LAMB4: variants seen among roughly 807,000 people sequenced by gnomAD.
The protein encoded by LAMB4 is laminin subunit beta 4.
A neutral mutation model predicts 199.2 loss-of-function variants in LAMB4; 196 were observed. The ratio of observed to expected loss-of-function variants is 0.98; its 90% CI spans 0.88 to 1.11. The LOEUF is 1.11. LAMB4 is among the 50% of genes least tolerant of loss of function. LAMB4 has a pLI of 0.00. For synonymous variants in LAMB4, 744 were observed against 770.6 expected (o/e 0.97, Z 0.57); for missense variants, 2,080 against 2,171.2 (o/e 0.96, Z 0.83).
intron 3 of LAMB4, among the ~76,000 whole-genome samples, chr7:108,112,895 T>A (rs1477009643): frequency 6.6e-6 from 1 of 152,232 alleles, no homozygotes; most frequent in Non-Finnish European, 1.5e-5. Flanking sequence ...GTCCTAGCCA[T>A]GGCTCACAAG....
chr7:108,056,077 G>A (rs2035977004), intron 24 of LAMB4, 70 bp from the exon 25 acceptor site: 1 of 1,419,766 alleles, frequency 7.0e-7, no homozygotes, highest in Admixed American at 2.2e-5. Flanking sequence ...CAAGAATCAG[G>A]TCTTTTCCTC....
Position 108,062,826 on chromosome 7 carries a change from C to T in LAMB4, c.3230G>A (p.Cys1077Tyr), listed in dbSNP as rs772000478. ...GYWNLVPGRGCQSCDCDPRTS... is the reference protein window; with the variant it reads ...GYWNLVPGRGYQSCDCDPRTS... ...CCTAGGGTCACAGTCACATGACTGA[C>T]ATCCTCTGCCAGGGACCAGATTCCA... The change falls in exon 23 of 34, where the codon TGT becomes TAT. Residue 1077 changes from cysteine (C) to tyrosine (Y), a missense_variant. Transcript: ENST00000388781. 1.3e-6 allele frequency: 2 copies of T among 1,548,522 alleles called. No homozygotes were observed. The highest frequency in any genetic ancestry group is 2.0e-5 in the Admixed American group (1 of 49,422).
the LAMB4 span, among the ~76,000 whole-genome samples, chr7:108,016,475 C>T: frequency 6.6e-6 from 1 of 151,854 alleles, no homozygotes; most frequent in South Asian, 2.1e-4. Flanking sequence ...GTAGAGATGG[C>T]GTTTCACCAT....
intron 3 of LAMB4, 38 bp from the exon 4 acceptor site, chr7:108,111,984 G>A: frequency 6.5e-7 from 1 of 1,537,154 alleles, no homozygotes; most frequent in African/African-American, 1.4e-5. Context: ...AATAAAAATT[G>A]GAATTACATA....
At chr7:108,085,880 T>C (rs2037154503) in intron 14 of LAMB4, among the ~76,000 whole-genome samples, 1 of 152,206 alleles carries the variant, frequency 6.6e-6, no homozygotes. Context: ...CCCAAAGTGC[T>C]GGGATTACAG....
At chr7:108,045,838 A>C (rs557782656) in intron 28 of LAMB4, among the ~76,000 whole-genome samples, 2 of 152,194 alleles carry the variant, frequency 1.3e-5, no homozygotes, top group Non-Finnish European at 2.9e-5. Context: ...GCAATACAGA[A>C]TTGTGACTAT....
intron 19 of LAMB4, 96 bp from the exon 20 acceptor site, chr7:108,066,696 C>T: frequency 2.6e-6 from 2 of 769,520 alleles, no homozygotes; most frequent in Non-Finnish European, 4.3e-6. Context: ...TTTCCCAATC[C>T]CAGTGAACTA....
chr7:108,027,410 C>G (rs895697078), intron 33 of LAMB4, among the ~76,000 whole-genome samples: 6 of 152,152 alleles, frequency 3.9e-5, no homozygotes, highest in Non-Finnish European at 7.4e-5. Context: ...CCACTGCCTC[C>G]CTAGAGATAA....
chr7:108,036,637 G>A (rs2035241005), intron 30 of LAMB4, among the ~76,000 whole-genome samples: 4 of 152,064 alleles, frequency 2.6e-5, no homozygotes, highest in Admixed American at 6.5e-5. Flanking sequence ...TCTCAGTGAT[G>A]GTGGGTGTTG....
At chr7:108,069,587 T>C (rs2036460481) in intron 18 of LAMB4, 121 bp downstream of exon 18, 1 of 818,890 alleles carries the variant, frequency 1.2e-6, no homozygotes, top group Non-Finnish European at 2.0e-6. Flanking sequence ...GTGTATCTAA[T>C]CATTGAGTGA....
intron 28 of LAMB4, 125 bp from the exon 29 acceptor site, chr7:108,044,021 T>TTC: frequency 1.4e-6 from 1 of 713,832 alleles, no homozygotes; most frequent in Non-Finnish European, 2.2e-6. Context: ...AAAGTCTAGA[T>TTC]AAACCATAGA....
intron 1 of LAMB4, among the ~76,000 whole-genome samples, chr7:108,125,526 T>A (rs775260976): frequency 2.0e-5 from 3 of 152,234 alleles, no homozygotes; most frequent in Non-Finnish European, 4.4e-5. Context: ...ATTCATGGCT[T>A]GTAATGATCT....
chr7:108,129,612 A>C (rs2038911122), intron 1 of LAMB4, among the ~76,000 whole-genome samples: 1 of 150,560 alleles, frequency 6.6e-6, no homozygotes, highest in East Asian at 1.9e-4. Flanking sequence ...TTCTTGGTTC[A>C]CTGCAACCTC....
chr7:108,047,937 C>A lies in LAMB4; in HGVS notation c.4297G>T (p.Asp1433Tyr), dbSNP rs1227166405. 2 of 1,613,998 alleles carry A rather than the reference C, an allele frequency of 1.2e-6. No individual in the cohort carries two copies. Among genetic ancestry groups the A allele is most frequent in the African/African-American group, 2.7e-5 (2 of 74,896 alleles). Reference sequence around the variant, plus strand: ...TTTTTCAACCCACGAACCTGTTTGTCCAAATTACGAATAATGGATTTTGCT... The same window carrying A: ...TTTTTCAACCCACGAACCTGTTTGTACAAATTACGAATAATGGATTTTGCT... ...QEAKSIIRNL[D>Y]KQVRGLKNQI... is the part of the protein sequence containing the mutation. Residue 1433 changes from aspartate to tyrosine, a missense_variant, in exon 28 of 34, where the codon GAC becomes TAC. Coordinates refer to ENST00000388781, the MANE Select transcript of LAMB4 (RefSeq NM_007356.3).
intron 10 of LAMB4, among the ~76,000 whole-genome samples, chr7:108,099,932 T>A (rs940611252): frequency 3.9e-5 from 6 of 152,208 alleles, no homozygotes; most frequent in African/African-American, 1.4e-4. Context: ...TAGCATTGAG[T>A]TCTGTTTAGT....
chr7:108,111,543 A>C (rs2038224583), intron 4 of LAMB4, among the ~76,000 whole-genome samples: 1 of 152,244 alleles, frequency 6.6e-6, no homozygotes, highest in Non-Finnish European at 1.5e-5. Context: ...CAAAGAACAA[A>C]AGGATGCAGA....
intron 20 of LAMB4, 72 bp from the exon 21 acceptor site, chr7:108,065,991 ATGCTTTAAAACAG>A: frequency 6.9e-7 from 1 of 1,450,296 alleles, no homozygotes; most frequent in South Asian, 1.2e-5. Flanking sequence ...ACGGTTTGCT[ATGCTTTAAAACAG>A]TGCACCTCTG....
In LAMB4 at chr7:108,094,144, C is replaced by T. The variant is rs917482784; in HGVS notation, c.1470+1084G>A. Reference sequence around the variant, plus strand: ...CCTGTTCAGTTATTTTGCTTGCTTGCCCTGCAAGCAAAAGTGAGTCTGTAC... The same window carrying T: ...CCTGTTCAGTTATTTTGCTTGCTTGTCCTGCAAGCAAAAGTGAGTCTGTAC... On this transcript the variant is annotated intron_variant, in intron 12 of 33. Transcript: ENST00000388781. Among the ~76,000 whole-genome samples, 8 of 152,180 alleles carry T rather than the reference C, an allele frequency of 5.3e-5. 1 individual carries two copies. The highest frequency in any genetic ancestry group is 5.2e-4 in the Admixed American group (8 of 15,278).
At chr7:108,050,088 G>A (rs2035779789) in intron 26 of LAMB4, among the ~76,000 whole-genome samples, 1 of 152,284 alleles carries the variant, frequency 6.6e-6, no homozygotes, top group South Asian at 2.1e-4. Context: ...TGCCATTGTA[G>A]AGTGAAAGCA....
Sources: allele counts gnomAD v4.1 joint callset (sites outside exome capture counted in the v4.1 genomes callset), GRCh38; gene constraint gnomAD v4.1.1; transcripts MANE v1.5; gene names NCBI Gene and HGNC (gene_info 2026-07-23, HGNC 2026-07-21).